Variants in ANKS3 observed in about 807,000 individuals in gnomAD.
The protein encoded by ANKS3 is ankyrin repeat and sterile alpha motif domain containing 3.
Under a neutral mutation model 80.7 loss-of-function variants are expected in ANKS3, and 62 were observed. The observed-to-expected ratio is 0.77, with a 90% CI of 0.63 to 0.95. ANKS3 has a LOEUF of 0.95. Ranked by LOEUF, ANKS3 falls within the 40% of genes least tolerant of loss-of-function variation. The pLI, the probability that ANKS3 is intolerant of heterozygous loss-of-function variation, is 0.00. For synonymous variants in ANKS3, 489 were observed against 355.3 expected (o/e 1.38, Z -4.23); for missense variants, 1,150 against 883.6 (o/e 1.30, Z -3.82).
rs1390394937 is a variant in ANKS3 at position 4,727,183 on chromosome 16, C to A, written c.171-6G>T. On this transcript the variant is annotated splice_region_variant and splice_polypyrimidine_tract_variant and intron_variant, in intron 3 of 17. Coordinates refer to ENST00000304283, the MANE Select transcript of ANKS3 (RefSeq NM_133450.4). The stretch of plus-strand genomic sequence containing the variant: ...TATTCAAATCTAACTCTCTCCTAAA[C>A]AAACGCAAGATATGCTAGACATGGC... The A allele has an allele frequency of 6.2e-7, 1 of 1,613,700 alleles. No homozygotes were observed. The highest frequency in any genetic ancestry group is 2.2e-5 in the East Asian group (1 of 44,904).
chr16:4,715,921 T>G (rs1372393896), intron 6 of ANKS3, among the ~76,000 whole-genome samples: 1 of 151,970 alleles, frequency 6.6e-6, no homozygotes, highest in African/African-American at 2.4e-5. Flanking sequence ...TTCAGCATAG[T>G]GAGAATCAGA....
chr16:4,710,867 T>C (rs2080448332), intron 7 of ANKS3, among the ~76,000 whole-genome samples: 2 of 152,204 alleles, frequency 1.3e-5, no homozygotes, highest in African/African-American at 4.8e-5. Context: ...GGCGTGATTT[T>C]GGCTTACTGC....
chr16:4,711,036 G>A (rs912652936), intron 7 of ANKS3, among the ~76,000 whole-genome samples: 5 of 151,000 alleles, frequency 3.3e-5, no homozygotes, highest in Non-Finnish European at 7.4e-5. Context: ...TGATCCACAC[G>A]CCTCAGCCTC....
In ANKS3 at chr16:4,705,883, T is replaced by C. The variant is rs565473513; in HGVS notation, c.710-630A>G. 2.0e-5 allele frequency among the ~76,000 whole-genome samples: 3 copies of C among 152,288 alleles called. No homozygotes were observed. In the East Asian group the frequency reaches 5.8e-4, roughly 29 times the overall value. The stretch of plus-strand genomic sequence containing the variant: ...CTCTTCATTAAAATATATGGTAATA[T>C]AAGTCACAACTACTTTTTCCTAATC... On this transcript the variant is annotated intron_variant, in intron 7 of 17. Coordinates refer to ENST00000304283, the MANE Select transcript of ANKS3 (RefSeq NM_133450.4).
chr16:4,705,724 T>C (rs1268928051), intron 7 of ANKS3, among the ~76,000 whole-genome samples: 5 of 152,018 alleles, frequency 3.3e-5, no homozygotes, highest in Non-Finnish European at 7.4e-5. Flanking sequence ...CCTCCCAAAG[T>C]GCTGGGATTA....
chr16:4,702,959 T>C (rs2079997369), intron 8 of ANKS3, among the ~76,000 whole-genome samples: 1 of 152,130 alleles, frequency 6.6e-6, no homozygotes, highest in Admixed American at 6.6e-5. Context: ...GCTATGATCG[T>C]GCCACTGCAC....
At chr16:4,728,628 C>G (rs1408649551) in intron 3 of ANKS3, among the ~76,000 whole-genome samples, 1 of 152,074 alleles carries the variant, frequency 6.6e-6, no homozygotes, top group Non-Finnish European at 1.5e-5. Context: ...GCCCCCAGCT[C>G]CCCTCAGGCC....
At chr16:4,728,903 G>T (rs562607313) in intron 3 of ANKS3, among the ~76,000 whole-genome samples, 51 of 152,160 alleles carry the variant, frequency 3.4e-4, no homozygotes, top group African/African-American at 9.7e-4. Context: ...GCACTCCATG[G>T]GCTGGGTATG....
intron 9 of ANKS3, 100 bp from the exon 10 acceptor site, chr16:4,701,643 G>T: frequency 2.0e-6 from 2 of 998,604 alleles, no homozygotes; most frequent in Non-Finnish European, 1.4e-6. Context: ...CACTCCTTGG[G>T]GCCTGCAGCG....
At chr16:4,721,916 G>A (rs898783408) in intron 6 of ANKS3, among the ~76,000 whole-genome samples, 1 of 151,214 alleles carries the variant, frequency 6.6e-6, no homozygotes, top group African/African-American at 2.4e-5. Context: ...GATTACAGGA[G>A]CGAGACAATG....
Position 4,699,181 on chromosome 16 carries a change from C to G in ANKS3, c.1285-5G>C. 6.2e-7 allele frequency: 1 copy of G among 1,613,882 alleles called. No homozygotes were observed. The highest frequency in any genetic ancestry group is 8.5e-7 in the Non-Finnish European group (1 of 1,179,958). Reference sequence around the variant, plus strand: ...CTCCAGCAGTGCGGCAAGGTCCTGGCAGGCACAGGGGACAGGTTGGGGGAG... The same window carrying G: ...CTCCAGCAGTGCGGCAAGGTCCTGGGAGGCACAGGGGACAGGTTGGGGGAG... On this transcript the variant is annotated splice_polypyrimidine_tract_variant and splice_region_variant and intron_variant, in intron 11 of 17. Transcript: ENST00000304283.
At chr16:4,700,392 A>T (rs2079833957) in intron 11 of ANKS3, 1 of 183,102 alleles carries the variant, frequency 5.5e-6, no homozygotes, top group African/African-American at 2.4e-5. Flanking sequence ...ACTCCAGCCC[A>T]GATGACAGTG....
At chr16:4,725,075 C>A (rs2081287227) in intron 5 of ANKS3, 2 of 361,688 alleles carry the variant, frequency 5.5e-6, no homozygotes, top group Admixed American at 9.5e-5. Context: ...TGCCTGTCGT[C>A]CCACCTGTTG....
chr16:4,715,579 G>A lies in ANKS3; in HGVS notation c.574-1393C>T, dbSNP rs898741208. Among the ~76,000 whole-genome samples the A allele has an allele frequency of 3.3e-5, 5 of 152,110 alleles. No homozygotes were observed. The South Asian group carries it at 8.3e-4, about 25-fold the overall frequency. The stretch of plus-strand genomic sequence containing the variant: ...CCACTGTACTCCAGCCTGGGCAATA[G>A]AGCGAGACCTTGTCTCAAAAAAATA... On this transcript the variant is annotated intron_variant, in intron 6 of 17. Transcript: ENST00000304283.
In ANKS3 at chr16:4,733,994, A is replaced by T; in HGVS notation, c.-127T>A. On this transcript the variant is annotated 5_prime_UTR_variant, in exon 1 of 18. An upstream open reading frame in the 5' UTR gains an earlier in-frame stop. Transcript: ENST00000304283. ...CATCCCCACAGGAACGCTACGGCGCACAGGGCATTACTGTGCCCCCACCAC... is the reference window on the plus strand; with the variant it reads ...CATCCCCACAGGAACGCTACGGCGCTCAGGGCATTACTGTGCCCCCACCAC... 1 of 985,426 alleles carries T rather than the reference A, an allele frequency of 1.0e-6. No individual in the cohort carries two copies. The allele number at this position is 985,426 out of a possible 1,614,324, so 61.0% of individuals were successfully genotyped here. A position where few individuals can be genotyped will look rare whatever the true frequency, so the allele number is the denominator to read the frequency against.
intron 15 of ANKS3, 99 bp downstream of exon 15, chr16:4,697,878 C>G: frequency 1.8e-6 from 2 of 1,140,372 alleles, no homozygotes; most frequent in South Asian, 1.7e-5. Context: ...AGAGTGGCTG[C>G]CGGCCGGAGA....
At chr16:4,699,333 G>C (rs767098892) in intron 11 of ANKS3, 157 bp from the exon 12 acceptor site, 2 of 1,031,964 alleles carry the variant, frequency 1.9e-6, no homozygotes, top group Non-Finnish European at 2.8e-6. Context: ...TGGTGGCTCA[G>C]GCAGGGCAGG....
rs139527584 is a variant in ANKS3, at chr16:4,726,735, G to T, written c.415C>A (p.Leu139Ile). 1 of 1,614,076 alleles carries T rather than the reference G, an allele frequency of 6.2e-7. No individual in the cohort carries two copies. Among genetic ancestry groups the T allele is most frequent in the Non-Finnish European group, 8.5e-7 (1 of 1,180,012 alleles). The change falls in exon 5 of 18, where the codon CTC becomes ATC. Residue 139 changes from leucine to isoleucine, a missense_variant. Transcript: ENST00000304283. Reference sequence around the variant, plus strand: ...TGCCCGGCGCTGGTACAGTGGAAGAGGGCTGTCCAGCCCTGGATGTCTTTC... The same window carrying T: ...TGCCCGGCGCTGGTACAGTGGAAGATGGCTGTCCAGCCCTGGATGTCTTTC... ...EMKDIQGWTA[L>I]FHCTSAGHQH...
chr16:4,698,297 G>C (rs994035067), intron 14 of ANKS3, 130 bp downstream of exon 14: 66 of 1,301,806 alleles, frequency 5.1e-5, no homozygotes, highest in East Asian at 2.6e-5. Flanking sequence ...GATGAAATGG[G>C]GGTGGGGTGG....
Sources: allele counts gnomAD v4.1 joint callset (sites outside exome capture counted in the v4.1 genomes callset), GRCh38; gene constraint gnomAD v4.1.1; transcripts MANE v1.5; gene names NCBI Gene and HGNC (gene_info 2026-07-23, HGNC 2026-07-21).